Variants in DERL1 observed in about 807,000 individuals in gnomAD.
DERL1 encodes the protein derlin-1.
Under a neutral mutation model 41.6 loss-of-function variants are expected in DERL1, and 24 were observed. The ratio of observed to expected loss-of-function variants is 0.58; its 90% confidence interval spans 0.42 to 0.81. The LOEUF (loss-of-function observed/expected upper bound fraction) is 0.81. Among genes scored for constraint, DERL1 ranks in the 30% least tolerant of loss-of-function variants. DERL1 has a pLI of 0.00. For missense variants in DERL1, 260 were observed against 314.3 expected (o/e 0.83, Z 1.31); for synonymous variants, 124 against 112.5 (o/e 1.10, Z -0.65).
rs781047116 is a variant in DERL1 at position 123,025,061 on chromosome 8, A to C, written c.266-11T>G. 6.2e-7 allele frequency: 1 copy of C among 1,612,812 alleles called. No homozygotes were observed. The highest frequency in any genetic ancestry group is 1.1e-5 in the South Asian group (1 of 90,664). On this transcript the variant is annotated splice_polypyrimidine_tract_variant and intron_variant, in intron 2 of 7. Transcript: ENST00000259512. ...TCCCATCAAAAGCTCCTGGAAACAA[A>C]AACAAGCCAAATGTCATGGTTCAGA...
Position 123,042,166 on chromosome 8 carries a change from C to T in DERL1, c.-44G>A. 7 of 1,538,036 alleles carry T rather than the reference C, an allele frequency of 4.6e-6. No individual in the cohort carries two copies. Among genetic ancestry groups the T allele is most frequent in the Non-Finnish European group, 6.2e-6 (7 of 1,136,626 alleles). ...CAAGATGCACAAGACCGCCCGACTC[C>T]CCGTGCCGACCCCCTCACGACGCGG... is the stretch of plus-strand genomic sequence containing the variant. On this transcript the variant is annotated 5_prime_UTR_variant, in exon 1 of 8. Coordinates refer to ENST00000259512, the MANE Select transcript of DERL1 (RefSeq NM_024295.6).
At position 123,015,415 on chromosome 8, in the gene DERL1, C is replaced by T. The variant is rs772381150; in HGVS notation, c.*32G>A. 1.2e-6 allele frequency: 2 copies of T among 1,607,632 alleles called. No homozygotes were observed. The highest frequency in any genetic ancestry group is 1.7e-4 in the Middle Eastern group (1 of 6,044). On this transcript the variant is annotated 3_prime_UTR_variant, in exon 8 of 8. Coordinates refer to ENST00000259512, the MANE Select transcript of DERL1 (RefSeq NM_024295.6). ...CACCCAGCACTGGGAGGAAATGTGG[C>T]TTGAGAGGAGCGGCTGCCCGAGGCC... is the stretch of plus-strand genomic sequence containing the variant.
intron 1 of DERL1, among the ~76,000 whole-genome samples, chr8:123,033,923 T>C (rs1403770927): frequency 6.6e-6 from 1 of 152,250 alleles, no homozygotes; most frequent in African/African-American, 2.4e-5. Flanking sequence ...AGCAAAATGC[T>C]GGCTTTTGGT....
chr8:123,025,723 C>G (rs573223738), intron 2 of DERL1: 1 of 152,386 alleles, frequency 6.6e-6, no homozygotes, highest in East Asian at 1.9e-4. Context: ...TCAGCCAAAC[C>G]TTTCCATAGC....
In DERL1 at chr8:123,015,421, A is replaced by G. The variant is rs1355001404; in HGVS notation, c.*26T>C. 1 of 1,608,844 alleles carries G rather than the reference A, an allele frequency of 6.2e-7. No homozygotes were observed. Among genetic ancestry groups the G allele is most frequent in the East Asian group, 2.2e-5 (1 of 44,798 alleles). On this transcript the variant is annotated 3_prime_UTR_variant, in exon 8 of 8. Transcript: ENST00000259512. ...GCACTGGGAGGAAATGTGGCTTGAG[A>G]GGAGCGGCTGCCCGAGGCCGCCCCT...
intron 1 of DERL1, among the ~76,000 whole-genome samples, chr8:123,041,552 G>A (rs1401808517): frequency 6.6e-6 from 1 of 152,164 alleles, no homozygotes; most frequent in Non-Finnish European, 1.5e-5. Flanking sequence ...AACGTGAAAG[G>A]AACTCAGCTA....
intron 1 of DERL1, among the ~76,000 whole-genome samples, chr8:123,034,175 A>G (rs1812874680): frequency 6.6e-6 from 1 of 152,264 alleles, no homozygotes; most frequent in African/African-American, 2.4e-5. Context: ...GACTGGCCAC[A>G]TACAGACTGG....
rs1444135030 is a variant in DERL1, at chr8:123,013,477, TGTC to T, written c.*1967_*1969del. 6.6e-6 allele frequency: 1 copy of T among 152,222 alleles called. No homozygotes were observed. Among genetic ancestry groups the T allele is most frequent in the Admixed American group, 6.5e-5 (1 of 15,280 alleles). The allele number at this position is 152,222 out of a possible 1,614,324, so 9.4% of individuals were successfully genotyped here. ...GAGAATCCACTGTCATGTTTTGCCT[TGTC>T]AAGTCAAAACTCAAATAGCTTGTTT... On this transcript the variant is annotated 3_prime_UTR_variant, in exon 8 of 8. Transcript: ENST00000259512.
At chr8:123,034,075 C>T (rs1422229668) in intron 1 of DERL1, among the ~76,000 whole-genome samples, 1 of 152,170 alleles carries the variant, frequency 6.6e-6, no homozygotes, top group African/African-American at 2.4e-5. Context: ...GGACTTGTTA[C>T]AAAGGCCCCA....
intron 4 of DERL1, 91 bp downstream of exon 4, chr8:123,023,622 A>T: frequency 8.2e-7 from 1 of 1,220,226 alleles, no homozygotes; most frequent in Non-Finnish European, 1.2e-6. Flanking sequence ...TTAACCCCAT[A>T]GTTAATGCAA....
chr8:123,037,502 C>T (rs192739882), intron 1 of DERL1, among the ~76,000 whole-genome samples: 2 of 152,130 alleles, frequency 1.3e-5, no homozygotes, highest in East Asian at 3.8e-4. Context: ...AATAACTTGC[C>T]TAAGGGTACA....
intron 1 of DERL1, among the ~76,000 whole-genome samples, chr8:123,039,669 T>C (rs1813001777): frequency 6.6e-6 from 1 of 152,226 alleles, no homozygotes; most frequent in Admixed American, 6.5e-5. Context: ...TATCAAATAT[T>C]ACACCCCTTA....
In DERL1 at chr8:123,022,774, C is replaced by A; in HGVS notation, c.363G>T (p.Leu121=). The A allele has an allele frequency of 6.2e-7, 1 of 1,613,912 alleles. No individual in the cohort carries two copies. The highest frequency in any genetic ancestry group is 8.5e-7 in the Non-Finnish European group (1 of 1,179,874). ...GTACTGACATGATCAGAGGAATCAT[C>A]AGCAACTGCAAAAGAAGTCGACATG... is the stretch of plus-strand genomic sequence containing the variant. The part of the protein sequence containing the change: ...ITGLAMDMQL[L]MIPLIMSVLY... The change falls in exon 5 of 8, where the codon CTG becomes CTT. Residue 121 remains leucine, a synonymous_variant. Transcript: ENST00000259512.
chr8:123,038,863 T>C (rs1210760826), intron 1 of DERL1, among the ~76,000 whole-genome samples: 1 of 152,224 alleles, frequency 6.6e-6, no homozygotes, highest in Non-Finnish European at 1.5e-5. Flanking sequence ...TCCAGAGTCA[T>C]GTTTTTATAT....
At chr8:123,022,906 C>G (rs754451772) in intron 4 of DERL1, 127 bp from the exon 5 acceptor site, 1 of 625,686 alleles carries the variant, frequency 1.6e-6, no homozygotes, top group Non-Finnish European at 2.9e-6. Flanking sequence ...CTCAACTGAT[C>G]AGAATTATAA....
chr8:123,041,895 A>G lies in DERL1; in HGVS notation c.153+75T>C. The G allele has an allele frequency of 5.4e-6, 8 of 1,469,276 alleles. 1 individual carries two copies. The South Asian group carries it at 1.1e-4, about 20-fold the overall frequency. 91.0% of individuals were successfully genotyped at this position (1,469,276 alleles called of 1,614,324 possible). On this transcript the variant is annotated intron_variant, in intron 1 of 7. Coordinates refer to ENST00000259512, the MANE Select transcript of DERL1 (RefSeq NM_024295.6). The stretch of plus-strand genomic sequence containing the variant: ...CCAGCAGGCACCGCGCGCCCGCAAC[A>G]TGCCAGCCTACGCTTAGCCGCCGCT...
chr8:123,036,155 C>A (rs1315244019), intron 1 of DERL1, among the ~76,000 whole-genome samples: 1 of 152,142 alleles, frequency 6.6e-6, no homozygotes, highest in Non-Finnish European at 1.5e-5. Flanking sequence ...TTTCTCCTCA[C>A]CAAGAAGTAC....
At chr8:123,040,207 G>A (rs1035547049) in intron 1 of DERL1, among the ~76,000 whole-genome samples, 1 of 152,118 alleles carries the variant, frequency 6.6e-6, no homozygotes, top group African/African-American at 2.4e-5. Flanking sequence ...AACAGAGCGA[G>A]ACTCCGTCTC....
At chr8:123,032,321 T>C (rs1338159758) in intron 1 of DERL1, among the ~76,000 whole-genome samples, 2 of 151,908 alleles carry the variant, frequency 1.3e-5, no homozygotes, top group African/African-American at 4.8e-5. Context: ...TTTTTGTAGA[T>C]ACAGGGTCTC....
Sources: gnomAD v4.1 joint callset for allele counts (sites outside exome capture counted in the v4.1 genomes callset) on GRCh38, gnomAD v4.1.1 for gene constraint, MANE v1.5 for transcripts, NCBI Gene and HGNC (gene_info 2026-07-23, HGNC 2026-07-21) for gene names.